The following SGCZ variants were observed in gnomAD, a reference collection of about 807,000 sequenced individuals.
SGCZ encodes the protein zeta-sarcoglycan.
Under a neutral mutation model 41.3 loss-of-function variants are expected in SGCZ, and 40 were observed. The observed-to-expected ratio is 0.97, with a 90% CI of 0.75 to 1.26. SGCZ has a LOEUF of 1.26. SGCZ is among the 50% of genes most tolerant of loss of function. The pLI is 0.00. For missense variants in SGCZ, 552 were observed against 369.8 expected (o/e 1.49, Z -4.04); for synonymous variants, 206 against 137.5 (o/e 1.50, Z -3.49).
chr8:14,870,901 G>A (rs181791711), intron 1 of SGCZ, among the ~76,000 whole-genome samples: 5 of 152,176 alleles, frequency 3.3e-5, no homozygotes, highest in Non-Finnish European at 7.4e-5. Flanking sequence ...AGTCAGAATG[G>A]CCATCATTAA....
Position 14,087,241 on chromosome 8 carries a change from A to T in SGCZ, c.*3202T>A, listed in dbSNP as rs1003798774. Among the ~76,000 whole-genome samples the T allele has an allele frequency of 1.3e-5, 2 of 151,666 alleles. No homozygotes were observed. The highest frequency in any genetic ancestry group is 3.0e-5 in the Non-Finnish European group (2 of 67,728). On this transcript the variant is annotated 3_prime_UTR_variant, in exon 8 of 8. Coordinates refer to ENST00000382080, the MANE Select transcript of SGCZ (RefSeq NM_139167.4). ...TGTATGACTAATAAGTAAGTACCGG[A>T]TAGAAATTTTGGAAATGTTGAACAA...
At chr8:14,723,882 A>G (rs1809969781) in intron 1 of SGCZ, among the ~76,000 whole-genome samples, 1 of 152,124 alleles carries the variant, frequency 6.6e-6, no homozygotes, top group South Asian at 2.1e-4. Flanking sequence ...ATAGAGTGGT[A>G]GTGGTTCCTT....
At chr8:15,063,116 G>C (rs1804998447) in intron 1 of SGCZ, among the ~76,000 whole-genome samples, 1 of 151,932 alleles carries the variant, frequency 6.6e-6, no homozygotes, top group Non-Finnish European at 1.5e-5. Flanking sequence ...ACTTTTTTCT[G>C]GCTCAGCATT....
chr8:14,908,138 T>C, intron 1 of SGCZ, among the ~76,000 whole-genome samples: 1 of 152,192 alleles, frequency 6.6e-6, no homozygotes, highest in East Asian at 1.9e-4. Flanking sequence ...TAGAACCTTT[T>C]CTGTCTCTTT....
rs1160321492 is a variant in SGCZ at position 14,554,864 on chromosome 8, T to A, written c.102A>T (p.Ala34=). ...QQNNLPRTEN[A]QLYPVGIYGW... The stretch of plus-strand genomic sequence containing the variant: ...CATAAATTCCCACTGGGTAAAGTTG[T>A]GCATTCTCAGTCCTTGGCAGGTTAT... Residue 34 remains alanine, a synonymous_variant, in exon 2 of 8, where the codon GCA becomes GCT. Transcript: ENST00000382080. 1 of 1,613,170 alleles carries A rather than the reference T, an allele frequency of 6.2e-7. No homozygotes were observed. Among genetic ancestry groups the A allele is most frequent in the Non-Finnish European group, 8.5e-7 (1 of 1,179,548 alleles).
At chr8:15,081,367 T>A (rs78040405) in intron 1 of SGCZ, among the ~76,000 whole-genome samples, 1 of 152,214 alleles carries the variant, frequency 6.6e-6, no homozygotes, top group Non-Finnish European at 1.5e-5. Flanking sequence ...CTCAATTTTT[T>A]AAATGTTTTA....
At chr8:14,884,480 G>A (rs550318875) in intron 1 of SGCZ, among the ~76,000 whole-genome samples, 2 of 151,844 alleles carry the variant, frequency 1.3e-5, no homozygotes, top group African/African-American at 4.8e-5. Flanking sequence ...TTCTTGGTGG[G>A]TAGATGGTAA....
chr8:14,681,464 C>T (rs1324837989), intron 1 of SGCZ, among the ~76,000 whole-genome samples: 1 of 152,168 alleles, frequency 6.6e-6, no homozygotes, highest in African/African-American at 2.4e-5. Flanking sequence ...TTAATTTCAC[C>T]TGTGGTTTTA....
intron 1 of SGCZ, among the ~76,000 whole-genome samples, chr8:14,818,252 T>C (rs1287725616): frequency 6.6e-6 from 1 of 152,172 alleles, no homozygotes; most frequent in Non-Finnish European, 1.5e-5. Context: ...GTTAGGCCTC[T>C]GTACACACAC....
chr8:14,849,306 T>C (rs1480403969), intron 1 of SGCZ, among the ~76,000 whole-genome samples: 2 of 152,096 alleles, frequency 1.3e-5, no homozygotes, highest in Non-Finnish European at 2.9e-5. Context: ...AGCAACCATA[T>C]GATCCAACCA....
chr8:14,690,519 A>C (rs999661209), intron 1 of SGCZ: 1 of 152,184 alleles, frequency 6.6e-6, no homozygotes, highest in East Asian at 1.9e-4. Flanking sequence ...CAGCAAGGCC[A>C]AAAGGGGTGT....
chr8:14,737,457 C>T (rs145679723), intron 1 of SGCZ, among the ~76,000 whole-genome samples: 1 of 152,068 alleles, frequency 6.6e-6, no homozygotes, highest in African/African-American at 2.4e-5. Context: ...ATCAATCCTC[C>T]TTCAACAGCT....
At chr8:14,162,048 T>G (rs1475398909) in intron 5 of SGCZ, among the ~76,000 whole-genome samples, 9 of 152,310 alleles carry the variant, frequency 5.9e-5, no homozygotes. Context: ...GGAAGCACTT[T>G]CTTGCCAATT....
chr8:14,326,904 A>G (rs1802138660), intron 2 of SGCZ, among the ~76,000 whole-genome samples: 1 of 152,198 alleles, frequency 6.6e-6, no homozygotes, highest in African/African-American at 2.4e-5. Flanking sequence ...GAACAGAAAC[A>G]GAATTGACAG....
chr8:14,965,059 G>C (rs1460260471), intron 1 of SGCZ, among the ~76,000 whole-genome samples: 1 of 152,058 alleles, frequency 6.6e-6, no homozygotes, highest in African/African-American at 2.4e-5. Context: ...ACTTCTACAT[G>C]CTAAGAGTCA....
intron 1 of SGCZ, among the ~76,000 whole-genome samples, chr8:14,593,810 G>C (rs1231204443): frequency 6.6e-6 from 1 of 152,134 alleles, no homozygotes; most frequent in Non-Finnish European, 1.5e-5. Flanking sequence ...GGTTGAAAGG[G>C]TACTTATTTG....
intron 1 of SGCZ, among the ~76,000 whole-genome samples, chr8:14,802,647 T>C (rs1327196359): frequency 6.6e-6 from 1 of 152,150 alleles, no homozygotes; most frequent in African/African-American, 2.4e-5. Context: ...ATATATATAT[T>C]TTCCAAAAAT....
chr8:15,232,643 G>A (rs886067399), intron 1 of SGCZ, among the ~76,000 whole-genome samples: 48 of 142,636 alleles, frequency 3.4e-4, no homozygotes, highest in African/African-American at 1.2e-3. Context: ...GGGTATATAT[G>A]TGTGTGTATA....
chr8:14,878,823 A>G (rs555713521), intron 1 of SGCZ, among the ~76,000 whole-genome samples: 1 of 152,320 alleles, frequency 6.6e-6, no homozygotes, highest in African/African-American at 2.4e-5. Context: ...TTTCTACTTC[A>G]GTAAAAGAGA....
Sources: gnomAD v4.1 joint callset for allele counts (sites outside exome capture counted in the v4.1 genomes callset) on GRCh38, gnomAD v4.1.1 for gene constraint, MANE v1.5 for transcripts, NCBI Gene and HGNC (gene_info 2026-07-23, HGNC 2026-07-21) for gene names.